ST18: variants seen among roughly 807,000 people sequenced by gnomAD.
The protein encoded by ST18 is suppression of tumorigenicity 18 protein.
In ST18, 50 loss-of-function variants were observed where a neutral mutation model predicts 110.0. That is an observed-to-expected ratio of 0.45 (90% CI 0.36 to 0.58). The LOEUF is 0.58. ST18 is among the 20% of genes least tolerant of loss of function. ST18 has a pLI of 0.00. For synonymous variants in ST18, 461 were observed against 452.4 expected (o/e 1.02, Z -0.24); for missense variants, 1,306 against 1,280.1 (o/e 1.02, Z -0.31).
intron 2 of ST18, among the ~76,000 whole-genome samples, chr8:52,241,874 C>T (rs2093436844): frequency 6.6e-6 from 1 of 151,920 alleles, no homozygotes; most frequent in Non-Finnish European, 1.5e-5. Context: ...GAAACTCTTC[C>T]TTCCTTTTTT....
intron 23 of ST18, chr8:52,125,798 G>C (rs2046826341): frequency 2.3e-6 from 1 of 426,486 alleles, no homozygotes; most frequent in Middle Eastern, 6.3e-4. Context: ...CCAACCACAA[G>C]TGTATCTTAA....
At chr8:52,219,445 T>A (rs527945640) in intron 5 of ST18, among the ~76,000 whole-genome samples, 11 of 152,248 alleles carry the variant, frequency 7.2e-5, no homozygotes, top group Non-Finnish European at 1.5e-4. Context: ...AACATATTTA[T>A]AATTTTCAAA....
chr8:52,309,520 CAAAA>C (rs756214451), intron 2 of ST18, among the ~76,000 whole-genome samples: 421 of 37,684 alleles, frequency 0.011, no homozygotes, highest in African/African-American at 0.038. Flanking sequence ...GACTCCATCT[CAAAA>C]AAAAAAAAAA....
At chr8:52,161,820 A>C (rs1319213841) in intron 13 of ST18, among the ~76,000 whole-genome samples, 1 of 152,258 alleles carries the variant, frequency 6.6e-6, no homozygotes, top group African/African-American at 2.4e-5. Flanking sequence ...TCCCATCAGC[A>C]AATTAAGAAT....
intron 2 of ST18, among the ~76,000 whole-genome samples, chr8:52,336,063 C>T (rs1008910534): frequency 6.6e-6 from 1 of 152,294 alleles, no homozygotes; most frequent in South Asian, 2.1e-4. Flanking sequence ...ACCTAGTTAA[C>T]TCCTATCTCA....
chr8:52,178,343 C>T (rs749115388), intron 9 of ST18, among the ~76,000 whole-genome samples: 9 of 151,740 alleles, frequency 5.9e-5, no homozygotes, highest in Non-Finnish European at 8.8e-5. Flanking sequence ...ACAAATAAAA[C>T]GGAGCCAGGC....
intron 2 of ST18, among the ~76,000 whole-genome samples, chr8:52,267,971 A>G (rs1272955269): frequency 6.6e-6 from 1 of 152,220 alleles, no homozygotes; most frequent in African/African-American, 2.4e-5. Context: ...AGGCCAGGAA[A>G]ATACACATAA....
chr8:52,130,574 T>C (rs529864202), intron 22 of ST18, among the ~76,000 whole-genome samples: 2 of 152,348 alleles, frequency 1.3e-5, no homozygotes, highest in South Asian at 4.1e-4. Flanking sequence ...TATGCAGAGA[T>C]CCTCCGGGCA....
intron 8 of ST18, among the ~76,000 whole-genome samples, chr8:52,195,848 A>AAAGTAAAACAAT (rs2076030267): frequency 6.6e-6 from 1 of 152,220 alleles, no homozygotes; most frequent in East Asian, 1.9e-4. Flanking sequence ...ACCAAAAAAT[A>AAAGTAAAACAAT]AAGTAAAACA....
rs551106310 is a variant in ST18 at position 52,341,068 on chromosome 8, C to G, written c.-465+68260G>C. On this transcript the variant is annotated intron_variant, in intron 2 of 25. Coordinates refer to ENST00000689386, the MANE Select transcript of ST18 (RefSeq NM_001352837.2). Reference sequence around the variant, plus strand: ...AAATACTAGGAAAGTCTATTCTCTTCTAACTGCAACCCCCCTAATCAAACT... The same window carrying G: ...AAATACTAGGAAAGTCTATTCTCTTGTAACTGCAACCCCCCTAATCAAACT... Among the ~76,000 whole-genome samples, 3 of 152,330 alleles carry G rather than the reference C, an allele frequency of 2.0e-5. No homozygotes were observed. In the South Asian group the frequency reaches 6.2e-4, roughly 32 times the overall value.
intron 8 of ST18, among the ~76,000 whole-genome samples, chr8:52,196,510 C>A (rs1334031684): frequency 6.6e-6 from 1 of 152,062 alleles, no homozygotes; most frequent in South Asian, 2.1e-4. Context: ...CTTGTCCGTG[C>A]TTTCATTTTC....
intron 8 of ST18, chr8:52,194,832 T>C (rs1023739471): frequency 2.0e-5 from 3 of 152,168 alleles, no homozygotes; most frequent in African/African-American, 7.2e-5. Context: ...AGTTCCAAAG[T>C]CTACTCTTCA....
chr8:52,303,583 G>C (rs1398719858), intron 2 of ST18, among the ~76,000 whole-genome samples: 1 of 152,246 alleles, frequency 6.6e-6, no homozygotes, highest in East Asian at 1.9e-4. Context: ...ATAAGTAATG[G>C]GACCAATACA....
intron 2 of ST18, among the ~76,000 whole-genome samples, chr8:52,329,338 T>G (rs1432376457): frequency 6.6e-6 from 1 of 151,642 alleles, no homozygotes; most frequent in Non-Finnish European, 1.5e-5. Flanking sequence ...TTGGAAGATT[T>G]CTTACTTCCT....
At chr8:52,241,102 T>C (rs1195617241) in intron 2 of ST18, among the ~76,000 whole-genome samples, 1 of 152,248 alleles carries the variant, frequency 6.6e-6, no homozygotes, top group East Asian at 1.9e-4. Flanking sequence ...TTTACCAGTT[T>C]TCAAATGTAT....
intron 2 of ST18, among the ~76,000 whole-genome samples, chr8:52,244,478 C>T (rs2093684193): frequency 6.6e-6 from 1 of 152,092 alleles, no homozygotes; most frequent in Non-Finnish European, 1.5e-5. Context: ...AATGAAATGA[C>T]AGAGCTATAA....
Position 52,318,955 on chromosome 8 carries a change from C to T in ST18, c.-464-88878G>A, listed in dbSNP as rs747604809. 5.9e-5 allele frequency among the ~76,000 whole-genome samples: 9 copies of T among 151,968 alleles called. No homozygotes were observed. In the South Asian group the frequency reaches 8.3e-4, roughly 14 times the overall value. On this transcript the variant is annotated intron_variant, in intron 2 of 25. Transcript: ENST00000689386. ...TGGGGGGTGGGAAGAGGGAGAGGAT[C>T]GGGAAGAATAGCTAGTGGATGCTGG...
At chr8:52,333,314 A>G (rs1199175999) in intron 2 of ST18, among the ~76,000 whole-genome samples, 2 of 148,158 alleles carry the variant, frequency 1.3e-5, no homozygotes, top group Non-Finnish European at 3.0e-5. Context: ...AAAAAAAAAA[A>G]GGTTAAATAG....
chr8:52,195,746 A>C (rs1181031868), intron 8 of ST18, among the ~76,000 whole-genome samples: 1 of 151,944 alleles, frequency 6.6e-6, no homozygotes, highest in African/African-American at 2.4e-5. Flanking sequence ...AAATAAATGT[A>C]TAGAATTGAG....
Sources: allele counts gnomAD v4.1 joint callset (sites outside exome capture counted in the v4.1 genomes callset), GRCh38; gene constraint gnomAD v4.1.1; transcripts MANE v1.5; gene names NCBI Gene and HGNC (gene_info 2026-07-23, HGNC 2026-07-21).